The following CAMKMT variants were observed in gnomAD, a reference collection of about 807,000 sequenced individuals.
The protein encoded by CAMKMT is calmodulin-lysine N-methyltransferase, also known as CaM KMT.
Under a neutral mutation model 48.0 loss-of-function variants are expected in CAMKMT, and 53 were observed. The ratio of observed to expected loss-of-function variants is 1.10; its 90% confidence interval spans 0.89 to 1.39. The LOEUF (loss-of-function observed/expected upper bound fraction) is 1.39, where lower values mean the gene tolerates loss of function less well. Among genes scored for constraint, CAMKMT ranks in the 40% most tolerant of loss-of-function variants. CAMKMT has a pLI of 0.00. For missense variants in CAMKMT, 428 were observed against 402.7 expected, an observed-to-expected ratio of 1.06 and a Z score of -0.54; for synonymous variants, 165 against 152.3, an observed-to-expected ratio of 1.08 and a Z score of -0.61.
intron 3 of CAMKMT, among the ~76,000 whole-genome samples, chr2:44,572,868 C>G (rs921074211): frequency 1.4e-4 from 22 of 152,168 alleles, no homozygotes; most frequent in African/African-American, 4.8e-4. Context: ...ATAGTGTTTT[C>G]CACGGTGGCT....
chr2:44,392,466 G>A (rs1304634835), intron 3 of CAMKMT, among the ~76,000 whole-genome samples: 4 of 151,968 alleles, frequency 2.6e-5, no homozygotes, highest in Non-Finnish European at 4.4e-5. Flanking sequence ...GACTGAAAAA[G>A]TGATTTTTCA....
At chr2:44,450,745 C>A (rs1667247996) in intron 3 of CAMKMT, among the ~76,000 whole-genome samples, 1 of 151,796 alleles carries the variant, frequency 6.6e-6, no homozygotes, top group Admixed American at 6.6e-5. Context: ...TCTGTGGAGT[C>A]CAGAGTAATT....
chr2:44,402,328 A>G (rs1435227340), intron 3 of CAMKMT, among the ~76,000 whole-genome samples: 176 of 14,544 alleles, frequency 0.012, no homozygotes, highest in African/African-American at 0.034. Context: ...GACTCTGTCT[A>G]AAAAAAAAAA....
chr2:44,549,317 T>C (rs1364471649), intron 3 of CAMKMT, among the ~76,000 whole-genome samples: 2 of 152,046 alleles, frequency 1.3e-5, no homozygotes, highest in Non-Finnish European at 2.9e-5. Flanking sequence ...CCAACCCCTA[T>C]GGGAATTCTC....
intron 3 of CAMKMT, among the ~76,000 whole-genome samples, chr2:44,390,679 G>C (rs1359985876): frequency 6.6e-6 from 1 of 152,038 alleles, no homozygotes; most frequent in African/African-American, 2.4e-5. Context: ...TCTTTGCTTT[G>C]TTTCGGGTGC....
chr2:44,754,949 A>G (rs542019404), intron 9 of CAMKMT, among the ~76,000 whole-genome samples: 1 of 152,250 alleles, frequency 6.6e-6, no homozygotes, highest in East Asian at 1.9e-4. Context: ...AGGAACGCAT[A>G]TTTATCTGAG....
At chr2:44,596,142 AAAAG>A (rs576013362) in intron 3 of CAMKMT, among the ~76,000 whole-genome samples, 137 of 152,142 alleles carry the variant, frequency 9.0e-4, no homozygotes, top group Admixed American at 2.8e-3. Context: ...TAAAAAAAAA[AAAAG>A]AAAGAAAAAG....
intron 2 of CAMKMT, among the ~76,000 whole-genome samples, chr2:44,376,165 C>A (rs1679669751): frequency 6.6e-6 from 1 of 151,960 alleles, no homozygotes; most frequent in South Asian, 2.1e-4. Context: ...AGTTTCAGCA[C>A]TTTGGGAGGC....
intron 3 of CAMKMT, among the ~76,000 whole-genome samples, chr2:44,554,473 T>C (rs1667901508): frequency 6.6e-6 from 1 of 152,188 alleles, no homozygotes; most frequent in African/African-American, 2.4e-5. Flanking sequence ...CAGTGGCTCA[T>C]GCCTGTAATC....
At chr2:44,593,530 C>G (rs1670447976) in intron 3 of CAMKMT, among the ~76,000 whole-genome samples, 1 of 152,142 alleles carries the variant, frequency 6.6e-6, no homozygotes, top group African/African-American at 2.4e-5. Context: ...ATGCCACAGC[C>G]CGGAATCTCT....
At chr2:44,704,486 AAG>A (rs1677434418) in intron 4 of CAMKMT, 143 bp downstream of exon 4, 5 of 581,922 alleles carry the variant, frequency 8.6e-6, no homozygotes, top group East Asian at 5.9e-5. Context: ...GGAAAACAGA[AAG>A]AGGGGAAAAA....
At chr2:44,464,912 G>A (rs549249744) in intron 3 of CAMKMT, among the ~76,000 whole-genome samples, 81 of 152,178 alleles carry the variant, frequency 5.3e-4, no homozygotes, top group Admixed American at 2.1e-3. Flanking sequence ...TCTAGTGAAG[G>A]AAAATATATA....
chr2:44,445,245 A>G (rs1360633170), intron 3 of CAMKMT, among the ~76,000 whole-genome samples: 3 of 152,186 alleles, frequency 2.0e-5, no homozygotes, highest in Admixed American at 6.5e-5. Flanking sequence ...TTTGGCACCC[A>G]TGAGTGGCAC....
chr2:44,603,862 A>G (rs1461315575), intron 3 of CAMKMT, among the ~76,000 whole-genome samples: 1 of 152,226 alleles, frequency 6.6e-6, no homozygotes, highest in Non-Finnish European at 1.5e-5. Context: ...AGGTATTGAG[A>G]AGGATACAAG....
At chr2:44,581,859 C>T (rs1669584688) in intron 3 of CAMKMT, among the ~76,000 whole-genome samples, 1 of 152,130 alleles carries the variant, frequency 6.6e-6, no homozygotes, top group African/African-American at 2.4e-5. Flanking sequence ...ATTAGCCAGG[C>T]GTGGTGCCGC....
intron 3 of CAMKMT, among the ~76,000 whole-genome samples, chr2:44,640,807 G>T (rs1460060352): frequency 1.3e-5 from 2 of 152,160 alleles, no homozygotes; most frequent in Non-Finnish European, 2.9e-5. Context: ...AAAGATTAGA[G>T]ATATTCTCAA....
rs181020721 is a variant in CAMKMT, at chr2:44,457,545, C to T, written c.376+67240C>T. Among the ~76,000 whole-genome samples, 178 of 151,884 alleles carry T rather than the reference C, an allele frequency of 1.2e-3. 1 individual carries two copies. Among genetic ancestry groups the T allele is most frequent in the African/African-American group, 3.3e-3 (135 of 41,430 alleles). ...TCCCGAGTAGCTGGGACTACAGGTG[C>T]GTGTCACCACGCCCGGCTAATTTTT... On this transcript the variant is annotated intron_variant, in intron 3 of 10. Transcript: ENST00000378494.
chr2:44,730,040 G>A (rs1307576849), intron 7 of CAMKMT, among the ~76,000 whole-genome samples: 4 of 152,198 alleles, frequency 2.6e-5, no homozygotes, highest in African/African-American at 4.8e-5. Context: ...TTAATGAGAA[G>A]AGTGACCCTA....
intron 7 of CAMKMT, among the ~76,000 whole-genome samples, chr2:44,730,639 G>A (rs1380792244): frequency 6.6e-6 from 1 of 152,192 alleles, no homozygotes; most frequent in Non-Finnish European, 1.5e-5. Context: ...CACTTTCTTA[G>A]AGAGGCTTCT....
Sources: gnomAD v4.1 joint callset for allele counts (sites outside exome capture counted in the v4.1 genomes callset) on GRCh38, gnomAD v4.1.1 for gene constraint, MANE v1.5 for transcripts, NCBI Gene and HGNC (gene_info 2026-07-23, HGNC 2026-07-21) for gene names.